The following MBD5 variants were observed in gnomAD, a reference collection of about 807,000 sequenced individuals.
The protein encoded by MBD5 is methyl-CpG-binding domain protein 5.
A neutral mutation model predicts 117.3 loss-of-function variants in MBD5; 13 were observed. The observed-to-expected ratio is 0.11, with a 90% CI of 0.07 to 0.18. The LOEUF (loss-of-function observed/expected upper bound fraction) is 0.18. MBD5 is among the 10% of genes least tolerant of loss of function. The pLI, the probability that MBD5 is intolerant of heterozygous loss-of-function variation, is 1.00. For synonymous variants in MBD5, 727 were observed against 766.4 expected (o/e 0.95, Z 0.85); for missense variants, 1,879 against 2,093.8 (o/e 0.90, Z 2.00).
chr2:148,137,736 G>A (rs1697205583), intron 1 of MBD5, among the ~76,000 whole-genome samples: 1 of 152,192 alleles, frequency 6.6e-6, no homozygotes, highest in Admixed American at 6.5e-5. Context: ...TAGGACTGTG[G>A]TCCCATAAGA....
intron 1 of MBD5, chr2:148,028,314 A>G (rs1269757532): frequency 6.6e-6 from 1 of 152,076 alleles, no homozygotes; most frequent in Non-Finnish European, 1.5e-5. Context: ...TCTTCTGCTA[A>G]CCAATCAAGA....
At chr2:148,210,021 A>G (rs556027420) in intron 2 of MBD5, among the ~76,000 whole-genome samples, 2 of 152,206 alleles carry the variant, frequency 1.3e-5, no homozygotes, top group East Asian at 3.9e-4. Flanking sequence ...AGAAACTACT[A>G]CCTCTTGGAG....
chr2:148,097,379 T>C (rs1374992659), intron 1 of MBD5, among the ~76,000 whole-genome samples: 1 of 152,216 alleles, frequency 6.6e-6, no homozygotes, highest in Admixed American at 6.5e-5. Flanking sequence ...TGTAGTCTTA[T>C]TAGGGAAGAC....
At chr2:148,356,370 C>T (rs1703380421) in intron 4 of MBD5, among the ~76,000 whole-genome samples, 1 of 152,138 alleles carries the variant, frequency 6.6e-6, no homozygotes, top group African/African-American at 2.4e-5. Flanking sequence ...TTCTTCATAG[C>T]TCACGTTGTT....
intron 4 of MBD5, among the ~76,000 whole-genome samples, chr2:148,424,070 C>G (rs1291752069): frequency 6.7e-6 from 1 of 150,100 alleles, no homozygotes; most frequent in East Asian, 2.0e-4. Flanking sequence ...CCCAGCTACT[C>G]AGGAGGCTGA....
intron 11 of MBD5, among the ~76,000 whole-genome samples, chr2:148,494,510 C>G (rs1194687392): frequency 1.3e-5 from 2 of 152,244 alleles, no homozygotes; most frequent in Admixed American, 1.3e-4. Flanking sequence ...TTTTTAACAG[C>G]CTGTGAAAAG....
intron 5 of MBD5, among the ~76,000 whole-genome samples, chr2:148,461,846 G>A (rs375590182): frequency 1.1e-3 from 169 of 152,152 alleles, no homozygotes; most frequent in African/African-American, 3.8e-3. Flanking sequence ...CTGAAACTTC[G>A]TAACATTGAA....
chr2:148,394,548 T>G (rs1273090555), intron 4 of MBD5, among the ~76,000 whole-genome samples: 4 of 12,026 alleles, frequency 3.3e-4, no homozygotes, highest in East Asian at 5.8e-3. Context: ...TACTTTGGTT[T>G]TTTTTTTTTT....
intron 4 of MBD5, among the ~76,000 whole-genome samples, chr2:148,446,425 A>G (rs1306342030): frequency 3.9e-5 from 6 of 152,078 alleles, no homozygotes; most frequent in African/African-American, 9.7e-5. Flanking sequence ...AAACAGAACA[A>G]TAGTCTGGAT....
rs142981321 is a variant in MBD5, at chr2:148,489,757, G to A, written c.4125G>A (p.Ala1375=). ...TAAATCTCTCCAGTGCTGTCAGTGC[G>A]GTCATTCATGGACGGAACATGGGAG... ...DPLNLSSAVS[A]VIHGRNMGGV... is the part of the protein sequence containing the mutation. Residue 1375 remains alanine (A), a synonymous_variant, in exon 11 of 14, where the codon GCG becomes GCA. Transcript: ENST00000642680. 58 of 1,613,970 alleles carry A rather than the reference G, an allele frequency of 3.6e-5. No individual in the cohort carries two copies. Among genetic ancestry groups the A allele is most frequent in the South Asian group, 1.3e-4 (12 of 91,078 alleles).
At chr2:148,144,469 A>G (rs910844660) in intron 1 of MBD5, among the ~76,000 whole-genome samples, 3 of 152,106 alleles carry the variant, frequency 2.0e-5, no homozygotes, top group Admixed American at 6.5e-5. Flanking sequence ...CCATTTGTCA[A>G]TTTTGGCTTT....
At chr2:148,033,210 T>A (rs1475542435) in intron 1 of MBD5, among the ~76,000 whole-genome samples, 6 of 152,188 alleles carry the variant, frequency 3.9e-5, no homozygotes, top group Non-Finnish European at 8.8e-5. Context: ...TATAAACATT[T>A]AAAAAATTAT....
chr2:148,267,485 A>G (rs559748061), intron 3 of MBD5, among the ~76,000 whole-genome samples: 1 of 152,298 alleles, frequency 6.6e-6, no homozygotes, highest in South Asian at 2.1e-4. Flanking sequence ...GTAACTTTTA[A>G]TCGAATCACA....
chr2:148,091,895 A>G (rs1695953954), intron 1 of MBD5, among the ~76,000 whole-genome samples: 1 of 152,228 alleles, frequency 6.6e-6, no homozygotes, highest in South Asian at 2.1e-4. Context: ...AGTATGAGAA[A>G]ATATTCTGCA....
intron 1 of MBD5, among the ~76,000 whole-genome samples, chr2:148,086,614 C>G (rs145022010): frequency 9.1e-4 from 139 of 152,198 alleles, no homozygotes; most frequent in South Asian, 1.5e-3. Context: ...CTCACTTATC[C>G]CACTCGTGCA....
chr2:148,309,036 A>G (rs571448285), intron 3 of MBD5, among the ~76,000 whole-genome samples: 1 of 152,114 alleles, frequency 6.6e-6, no homozygotes, highest in African/African-American at 2.4e-5. Flanking sequence ...TACCAGTATC[A>G]TGCTGTTTTG....
chr2:148,123,796 T>C (rs1007448010), intron 1 of MBD5, among the ~76,000 whole-genome samples: 3 of 152,098 alleles, frequency 2.0e-5, no homozygotes, highest in African/African-American at 7.2e-5. Context: ...CAGCAACATA[T>C]GTAAAATTGA....
chr2:148,345,816 C>A (rs759159772), intron 4 of MBD5, among the ~76,000 whole-genome samples: 1 of 151,758 alleles, frequency 6.6e-6, no homozygotes, highest in Non-Finnish European at 1.5e-5. Context: ...AGTCTCAAAA[C>A]TGAAGAACTT....
Position 148,142,096 on chromosome 2 carries a change from T to C in MBD5, c.-924-36604T>C, listed in dbSNP as rs569964720. Among the ~76,000 whole-genome samples the C allele has an allele frequency of 4.6e-5, 7 of 152,096 alleles. No individual in the cohort carries two copies. The South Asian group carries it at 1.5e-3, about 32-fold the overall frequency. Reference sequence around the variant, plus strand: ...AGCGATAAAAAGGCAGACAAAACCATGAGACTCAAGACTGAGAAGGCCTAT... The same window carrying C: ...AGCGATAAAAAGGCAGACAAAACCACGAGACTCAAGACTGAGAAGGCCTAT... On this transcript the variant is annotated intron_variant, in intron 1 of 13. Coordinates refer to ENST00000642680, the MANE Select transcript of MBD5 (RefSeq NM_001378120.1).
Sources: gnomAD v4.1 joint callset for allele counts (sites outside exome capture counted in the v4.1 genomes callset) on GRCh38, gnomAD v4.1.1 for gene constraint, MANE v1.5 for transcripts, NCBI Gene and HGNC (gene_info 2026-07-23, HGNC 2026-07-21) for gene names.